Variants in CALD1 observed in about 807,000 individuals in gnomAD.
CALD1 encodes caldesmon 1, also known as caldesmon.
CALD1 carries 33 observed loss-of-function variants against 99.9 expected under a neutral mutation model. The ratio of observed to expected loss-of-function variants is 0.33; its 90% CI spans 0.25 to 0.44. The LOEUF (loss-of-function observed/expected upper bound fraction) is 0.44. Ranked by LOEUF, CALD1 falls within the 20% of genes least tolerant of loss-of-function variation. CALD1 has a pLI of 1.00. For missense variants in CALD1, 861 were observed against 962.1 expected (o/e 0.89, Z 1.39); for synonymous variants, 310 against 325.0 (o/e 0.95, Z 0.50).
Position 134,968,440 on chromosome 7 carries a change from A to G in CALD1, c.*95A>G. 1 of 1,062,438 alleles carries G rather than the reference A, an allele frequency of 9.4e-7. No homozygotes were observed. Among genetic ancestry groups the G allele is most frequent in the Non-Finnish European group, 1.5e-6 (1 of 682,684 alleles). 65.8% of individuals were successfully genotyped at this position (1,062,438 alleles called of 1,614,324 possible). ...TTTTGTATTTATGTTGATTTACTAA[A>G]TTGGGTTCATTATCTTTTATTTTTC... On this transcript the variant is annotated 3_prime_UTR_variant, in exon 15 of 15. Coordinates refer to ENST00000361675, the MANE Select transcript of CALD1 (RefSeq NM_033138.4).
intron 1 of CALD1, among the ~76,000 whole-genome samples, chr7:134,781,239 AT>A (rs924451341): frequency 6.6e-6 from 1 of 152,260 alleles, no homozygotes; most frequent in East Asian, 1.9e-4. Context: ...ATGGAGAGCA[AT>A]TTTTCTTTTA....
At chr7:134,812,930 A>G (rs901647145) in intron 1 of CALD1, among the ~76,000 whole-genome samples, 5 of 152,272 alleles carry the variant, frequency 3.3e-5, no homozygotes, top group African/African-American at 1.2e-4. Context: ...GGGTCTTCCA[A>G]CATTTAAAGG....
Position 134,856,620 on chromosome 7 carries a change from T to G in CALD1, c.-41-11073T>G, listed in dbSNP as rs75631004. Among the ~76,000 whole-genome samples, 239 of 152,302 alleles carry G rather than the reference T, an allele frequency of 1.6e-3. 4 individuals carry two copies. The East Asian group carries it at 0.044, about 28-fold the overall frequency. The stretch of plus-strand genomic sequence containing the variant: ...AATTCTGATTCTCTTCTTTTCTTAT[T>G]CATCCTGTCTTCTTTTTCTTTCAAC... On this transcript the variant is annotated intron_variant, in intron 2 of 14. Transcript: ENST00000361675.
At chr7:134,720,352 G>C in the CALD1 span, among the ~76,000 whole-genome samples, 1 of 152,082 alleles carries the variant, frequency 6.6e-6, no homozygotes, top group East Asian at 1.9e-4. Flanking sequence ...GTGTGTTCAG[G>C]AGCTCTACCT....
chr7:134,781,881 C>T (rs1339453199), intron 1 of CALD1, among the ~76,000 whole-genome samples: 1 of 152,198 alleles, frequency 6.6e-6, no homozygotes, highest in Non-Finnish European at 1.5e-5. Context: ...AAATGAGATA[C>T]ATGAAAGCAT....
chr7:134,929,505 A>G (rs1805326046), intron 4 of CALD1, among the ~76,000 whole-genome samples: 1 of 149,594 alleles, frequency 6.7e-6, no homozygotes, highest in South Asian at 2.2e-4. Flanking sequence ...TTGGTTTTCC[A>G]TTCCTGAGTT....
chr7:134,839,829 A>T (rs112612761), intron 1 of CALD1, among the ~76,000 whole-genome samples: 2,770 of 152,238 alleles, frequency 0.018, 39 homozygotes, highest in Non-Finnish European at 0.028. Context: ...AGCTGAGACT[A>T]CAGGCATGCA....
chr7:134,874,387 C>T (rs1801248780), intron 3 of CALD1, among the ~76,000 whole-genome samples: 2 of 152,228 alleles, frequency 1.3e-5, no homozygotes, highest in South Asian at 4.2e-4. Context: ...CCATGTTGGC[C>T]AGGCTGGTCT....
chr7:134,869,949 A>T (rs979907154), intron 3 of CALD1, among the ~76,000 whole-genome samples: 10 of 152,204 alleles, frequency 6.6e-5, no homozygotes, highest in African/African-American at 2.4e-4. Context: ...TTGAGTGGAC[A>T]TGGTGGACAT....
At chr7:134,854,641 A>T (rs1800223347) in intron 2 of CALD1, among the ~76,000 whole-genome samples, 1 of 152,170 alleles carries the variant, frequency 6.6e-6, no homozygotes, top group African/African-American at 2.4e-5. Context: ...GTGGTCAGCT[A>T]CATCTGTCAT....
At chr7:134,868,007 G>T (rs1800882900) in intron 3 of CALD1, 1 of 382,036 alleles carries the variant, frequency 2.6e-6, no homozygotes, top group South Asian at 5.4e-5. Context: ...GAAAAAGAGA[G>T]ATTTGAGAGG....
chr7:134,823,174 G>A (rs1248694817), intron 1 of CALD1, among the ~76,000 whole-genome samples: 2 of 152,104 alleles, frequency 1.3e-5, no homozygotes, highest in Non-Finnish European at 2.9e-5. Context: ...TCTAAAAGAT[G>A]CCTATGAGAA....
At chr7:134,856,848 C>T (rs1424203178) in intron 2 of CALD1, among the ~76,000 whole-genome samples, 1 of 152,194 alleles carries the variant, frequency 6.6e-6, no homozygotes, top group Non-Finnish European at 1.5e-5. Context: ...CTTTTGATAA[C>T]GTCTTAGCCA....
intron 2 of CALD1, among the ~76,000 whole-genome samples, chr7:134,858,063 A>G (rs960988645): frequency 3.7e-5 from 5 of 136,068 alleles, no homozygotes; most frequent in Admixed American, 7.7e-5. Context: ...AAGCAGGCAC[A>G]TGAGTTGCTG....
At chr7:134,861,645 C>G (rs1044638638) in intron 2 of CALD1, among the ~76,000 whole-genome samples, 1 of 152,094 alleles carries the variant, frequency 6.6e-6, no homozygotes, top group Non-Finnish European at 1.5e-5. Flanking sequence ...ACTGTTATAC[C>G]CCAGTGTCGA....
the CALD1 span, among the ~76,000 whole-genome samples, chr7:134,711,678 A>ATGTG: frequency 1.8e-4 from 10 of 54,798 alleles, no homozygotes; most frequent in African/African-American, 4.6e-4. Context: ...ATATATATAT[A>ATGTG]TATGTGTGTG....
At chr7:134,769,220 C>A (rs1420057297) in intron 1 of CALD1, among the ~76,000 whole-genome samples, 4 of 152,032 alleles carry the variant, frequency 2.6e-5, no homozygotes, top group Non-Finnish European at 2.9e-5. Context: ...GAATGAGCTT[C>A]CTTTGACATG....
At chr7:134,882,207 A>T (rs2132434062) in intron 3 of CALD1, among the ~76,000 whole-genome samples, 1 of 152,304 alleles carries the variant, frequency 6.6e-6, no homozygotes, top group South Asian at 2.1e-4. Flanking sequence ...AATGTTAGTG[A>T]CACTCGTTGT....
chr7:134,861,659 C>G (rs370074804), intron 2 of CALD1, among the ~76,000 whole-genome samples: 114 of 152,342 alleles, frequency 7.5e-4, no homozygotes, highest in African/African-American at 2.5e-3. Context: ...GTGTCGAGAA[C>G]AGTACCTGGC....
Sources: gnomAD v4.1 joint callset for allele counts (sites outside exome capture counted in the v4.1 genomes callset) on GRCh38, gnomAD v4.1.1 for gene constraint, MANE v1.5 for transcripts, NCBI Gene and HGNC (gene_info 2026-07-23, HGNC 2026-07-21) for gene names.